Variants in GRP observed in about 807,000 individuals in gnomAD.
GRP encodes the protein gastrin-releasing peptide.
GRP carries 11 observed loss-of-function variants against 12.7 expected under a neutral mutation model. The ratio of observed to expected loss-of-function variants is 0.87; its 90% CI spans 0.55 to 1.44. GRP has a LOEUF of 1.44. GRP is among the 40% of genes most tolerant of loss of function. The probability of loss-of-function intolerance (pLI) is 0.00; values close to 1 mark genes in which losing one functional copy is unlikely to be tolerated. For synonymous variants in GRP, 84 were observed against 77.7 expected, an observed-to-expected ratio of 1.08 and a Z score of -0.43; for missense variants, 212 against 185.4, an observed-to-expected ratio of 1.14 and a Z score of -0.83.
At chr18:59,220,720 G>T (rs188733094) in intron 1 of GRP, among the ~76,000 whole-genome samples, 3 of 152,146 alleles carry the variant, frequency 2.0e-5, no homozygotes, top group African/African-American at 7.2e-5. Flanking sequence ...TTCCCTCTGC[G>T]CCCATCCTAC....
intron 1 of GRP, among the ~76,000 whole-genome samples, chr18:59,223,415 C>T (rs895222531): frequency 6.6e-6 from 1 of 152,222 alleles, no homozygotes; most frequent in South Asian, 2.1e-4. Flanking sequence ...GTCTATGGAA[C>T]TAGAGATAAA....
At chr18:59,221,523 C>T (rs2069833987) in intron 1 of GRP, among the ~76,000 whole-genome samples, 1 of 152,048 alleles carries the variant, frequency 6.6e-6, no homozygotes, top group Admixed American at 6.5e-5. Context: ...CAACCAGCTT[C>T]TTGGGAAGCT....
chr18:59,220,886 G>A (rs1361572678), intron 1 of GRP, among the ~76,000 whole-genome samples: 1 of 152,220 alleles, frequency 6.6e-6, no homozygotes, highest in African/African-American at 2.4e-5. Context: ...CTGCGCCTAT[G>A]CTCCCCGCAA....
At chr18:59,219,511 A>AGGGAGGGGAG (rs1449553764), upstream of GRP, among the ~76,000 whole-genome samples, 1 of 28,592 alleles carries the variant, frequency 3.5e-5, no homozygotes, top group Non-Finnish European at 6.4e-5. Context: ...GAGGAGGGGA[A>AGGGAGGGGAG]GGGAGGGGAG....
At chr18:59,227,024 T>TCTTTCTTTCTTC (rs1568084940) in intron 2 of GRP, among the ~76,000 whole-genome samples, 1 of 145,186 alleles carries the variant, frequency 6.9e-6, no homozygotes, top group African/African-American at 2.6e-5. Flanking sequence ...TTTCTTTCTT[T>TCTTTCTTTCTTC]CTTTCTTTCT....
At chr18:59,227,867 A>G (rs1229784758) in intron 2 of GRP, among the ~76,000 whole-genome samples, 2 of 152,220 alleles carry the variant, frequency 1.3e-5, no homozygotes, top group African/African-American at 4.8e-5. Context: ...ATAGCTCCAC[A>G]AAGGTGTCTG....
rs1271060135 is a variant in GRP at position 59,227,041 on chromosome 18, CTTTCTTTCTTTCTTCCTTTCTTTCT to C, written c.382+1316_382+1340del. The stretch of plus-strand genomic sequence containing the variant: ...TCTTTCTTTCTTTCTTTCTTTCTTT[CTTTCTTTCTTTCTTCCTTTCTTTCT>C]TTTCTTTCCTTTCTCTCTTGCTCTC... On this transcript the variant is annotated intron_variant, in intron 2 of 2. Coordinates refer to ENST00000256857, the MANE Select transcript of GRP (RefSeq NM_002091.5). 7.7e-3 allele frequency among the ~76,000 whole-genome samples: 986 copies of C among 127,566 alleles called. 6 individuals are homozygous for C. The highest frequency in any genetic ancestry group is 0.011 in the African/African-American group (366 of 31,976). 83.7% of individuals were successfully genotyped at this position (127,566 alleles called of 152,430 possible).
Position 59,226,455 on chromosome 18 carries a change from C to T in GRP, c.382+721C>T, listed in dbSNP as rs1039159996. On this transcript the variant is annotated intron_variant, in intron 2 of 2. Coordinates refer to ENST00000256857, the MANE Select transcript of GRP (RefSeq NM_002091.5). ...TACAAAATAATAATTACAATAACAACGGTGGCTAGTTTTACTGAATATTTA... is the reference window on the plus strand; with the variant it reads ...TACAAAATAATAATTACAATAACAATGGTGGCTAGTTTTACTGAATATTTA... Among the ~76,000 whole-genome samples, 8 of 152,250 alleles carry T rather than the reference C, an allele frequency of 5.3e-5. No homozygotes were observed. In the East Asian group the frequency reaches 5.8e-4, roughly 11 times the overall value.
intron 1 of GRP, among the ~76,000 whole-genome samples, chr18:59,221,150 C>T (rs1301664796): frequency 6.6e-6 from 1 of 152,272 alleles, no homozygotes; most frequent in Non-Finnish European, 1.5e-5. Flanking sequence ...TCCGCTCTTT[C>T]TCCGCCCTTC....
chr18:59,226,610 C>T (rs767526736), intron 2 of GRP, among the ~76,000 whole-genome samples: 2 of 152,202 alleles, frequency 1.3e-5, no homozygotes, highest in Non-Finnish European at 2.9e-5. Flanking sequence ...TAGCTTTTCA[C>T]TGATAAAATC....
chr18:59,227,028 T>TCTTTCTTTCTTTCTTCCTTC (rs1568084958), intron 2 of GRP, among the ~76,000 whole-genome samples: 6 of 145,030 alleles, frequency 4.1e-5, no homozygotes, highest in East Asian at 3.9e-4. Context: ...TTTCTTTCTT[T>TCTTTCTTTCTTTCTTCCTTC]CTTTCTTTCT....
chr18:59,220,221 C>T lies in GRP; in HGVS notation c.-45C>T. 1 of 1,403,384 alleles carries T rather than the reference C, an allele frequency of 7.1e-7. No homozygotes were observed. 86.9% of individuals were successfully genotyped at this position (1,403,384 alleles called of 1,614,324 possible). On this transcript the variant is annotated 5_prime_UTR_variant, in exon 1 of 3. Coordinates refer to ENST00000256857, the MANE Select transcript of GRP (RefSeq NM_002091.5). ...GAGGTCCGGGTCACCAGTCTCTGCT[C>T]TTCCCAGCCTCTCCGGCGCGCTCCA...
Position 59,230,547 on chromosome 18 carries a change from C to G in GRP, c.*79C>G. Reference sequence around the variant, plus strand: ...TGCAAGCATCAGTTCTACGGATCATCAACAAGATTTCCTTGTGCAAAATAT... The same window carrying G: ...TGCAAGCATCAGTTCTACGGATCATGAACAAGATTTCCTTGTGCAAAATAT... On this transcript the variant is annotated 3_prime_UTR_variant, in exon 3 of 3. Coordinates refer to ENST00000256857, the MANE Select transcript of GRP (RefSeq NM_002091.5). 1.2e-6 allele frequency: 1 copy of G among 814,756 alleles called. No individual in the cohort carries two copies. The highest frequency in any genetic ancestry group is 2.4e-5 in the East Asian group (1 of 41,226). The allele number at this position is 814,756 out of a possible 1,614,324, so 50.5% of individuals were successfully genotyped here.
Position 59,220,323 on chromosome 18 carries a change from C to T in GRP, c.58C>T (p.Arg20Trp). 3 of 1,496,358 alleles carry T rather than the reference C, an allele frequency of 2.0e-6. No individual in the cohort carries two copies. The highest frequency in any genetic ancestry group is 2.7e-6 in the Non-Finnish European group (3 of 1,126,766). 92.7% of individuals were successfully genotyped at this position (1,496,358 alleles called of 1,614,324 possible). A position where few individuals can be genotyped will look rare whatever the true frequency, so the allele number is the denominator to read the frequency against. Residue 20 changes from arginine (R) to tryptophan (W), a missense_variant, in exon 1 of 3, where the codon CGG becomes TGG. Coordinates refer to ENST00000256857, the MANE Select transcript of GRP (RefSeq NM_002091.5). The part of the protein sequence containing the change: ...LLALVLCLAP[R>W]GRAVPLPAGG... ...GGCGCTGGTCCTCTGCCTGGCGCCC[C>T]GGGGGCGAGCGGTCCCGCTGCCTGC...
chr18:59,222,425 C>A (rs919671574), intron 1 of GRP, among the ~76,000 whole-genome samples: 1 of 152,162 alleles, frequency 6.6e-6, no homozygotes, highest in African/African-American at 2.4e-5. Flanking sequence ...GCACTTTTTT[C>A]TCTCCCTTTG....
At chr18:59,225,162 T>C (rs1469996360) in intron 1 of GRP, among the ~76,000 whole-genome samples, 1 of 152,180 alleles carries the variant, frequency 6.6e-6, no homozygotes, top group Non-Finnish European at 1.5e-5. Context: ...TAATCTAGTC[T>C]ACCCTGTTCA....
Position 59,225,615 on chromosome 18 carries a change from T to C in GRP, c.263T>C (p.Ile88Thr), listed in dbSNP as rs368021851. Residue 88 changes from isoleucine (I) to threonine (T), a missense_variant, in exon 2 of 3, where the codon ATA becomes ACA. By Grantham distance (89) the Ile-to-Thr change is moderately conservative (BLOSUM62 -1). Transcript: ENST00000256857. ...GCTGCAAGGAATTTGCTGGGTCTCA[T>C]AGAAGCAAAGGAGAACAGAAACCAC... ...EEAARNLLGL[I>T]EAKENRNHQP... 54 of 1,613,960 alleles carry C rather than the reference T, an allele frequency of 3.3e-5. No individual in the cohort carries two copies. The East Asian group carries it at 1.0e-3, about 31-fold the overall frequency.
At chr18:59,227,968 G>A (rs1293131614) in intron 2 of GRP, among the ~76,000 whole-genome samples, 2 of 151,842 alleles carry the variant, frequency 1.3e-5, no homozygotes, top group East Asian at 3.9e-4. Context: ...ACTGAAAAAG[G>A]TCATCAAAAA....
intron 1 of GRP, among the ~76,000 whole-genome samples, chr18:59,224,402 A>C (rs1459856976): frequency 6.6e-6 from 1 of 152,194 alleles, no homozygotes; most frequent in Admixed American, 6.5e-5. Flanking sequence ...TTTCCATTTT[A>C]AGACTGAAGA....
Sources: allele counts gnomAD v4.1 joint callset (sites outside exome capture counted in the v4.1 genomes callset), GRCh38; gene constraint gnomAD v4.1.1; transcripts MANE v1.5; gene names NCBI Gene and HGNC (gene_info 2026-07-23, HGNC 2026-07-21).